Variants in CSMD1 observed in about 807,000 individuals in gnomAD.
The protein encoded by CSMD1 is CUB and Sushi multiple domains 1.
CSMD1 carries 213 observed loss-of-function variants against 417.5 expected under a neutral mutation model. The ratio of observed to expected loss-of-function variants is 0.51; its 90% CI spans 0.46 to 0.57. The LOEUF (loss-of-function observed/expected upper bound fraction) is 0.57, where lower values mean the gene tolerates loss of function less well. CSMD1 is among the 20% of genes least tolerant of loss of function. The pLI is 0.00. For missense variants in CSMD1, 6,923 were observed against 4,529.7 expected (o/e 1.53, Z -15.17); for synonymous variants, 2,862 against 1,736.8 (o/e 1.65, Z -16.11).
At chr8:4,406,663 G>T (rs985301105) in intron 3 of CSMD1, among the ~76,000 whole-genome samples, 2 of 152,120 alleles carry the variant, frequency 1.3e-5, no homozygotes, top group African/African-American at 2.4e-5. Flanking sequence ...CACTCCTCCT[G>T]GCCATGCCTT....
chr8:3,174,206 G>C (rs1338610104), intron 37 of CSMD1, among the ~76,000 whole-genome samples: 3 of 152,166 alleles, frequency 2.0e-5, no homozygotes, highest in Non-Finnish European at 2.9e-5. Context: ...CAGAAATTGA[G>C]ACAGAGTCCA....
In CSMD1 at chr8:3,850,780, A is replaced by AGT. The variant is rs543513338; in HGVS notation, c.819-96740_819-96739dup. ...TATACACATCACAGGGGTGTGCCTT[A>AGT]GTAGTGTGTGAAAGTCCAGTCAAAG... On this transcript the variant is annotated intron_variant, in intron 5 of 69. Coordinates refer to ENST00000635120, the MANE Select transcript of CSMD1 (RefSeq NM_033225.6). 4.7e-3 allele frequency among the ~76,000 whole-genome samples: 719 copies of AGT among 152,336 alleles called. 8 individuals carry two copies. The highest frequency in any genetic ancestry group is 0.014 in the African/African-American group (602 of 41,580).
At chr8:3,939,282 G>C (rs1174797970) in intron 5 of CSMD1, among the ~76,000 whole-genome samples, 2 of 152,036 alleles carry the variant, frequency 1.3e-5, no homozygotes, top group Admixed American at 6.6e-5. Flanking sequence ...TTAATTATCA[G>C]AGAAATGCAA....
intron 31 of CSMD1, 23 bp from the exon 32 acceptor site, chr8:3,201,748 T>G: frequency 6.9e-7 from 1 of 1,448,232 alleles, no homozygotes; most frequent in Non-Finnish European, 9.6e-7. Flanking sequence ...AGGTGGGATG[T>G]TGGCACAAGA....
At chr8:3,787,884 G>C (rs1011027803) in intron 5 of CSMD1, among the ~76,000 whole-genome samples, 1 of 152,232 alleles carries the variant, frequency 6.6e-6, no homozygotes, top group South Asian at 2.1e-4. Context: ...GTATGAGAGA[G>C]TGTTACTCTA....
At chr8:4,948,774 G>A (rs1346305220) in intron 1 of CSMD1, among the ~76,000 whole-genome samples, 2 of 152,034 alleles carry the variant, frequency 1.3e-5, no homozygotes, top group African/African-American at 4.8e-5. Flanking sequence ...TTATAACCCT[G>A]AAAGTCTTAA....
chr8:3,861,583 A>G (rs1269668926), intron 5 of CSMD1, among the ~76,000 whole-genome samples: 2 of 152,146 alleles, frequency 1.3e-5, no homozygotes, highest in Admixed American at 1.3e-4. Flanking sequence ...CTCCTATGGT[A>G]TGTGGGTTTC....
Position 4,852,820 on chromosome 8 carries a change from A to G in CSMD1, c.85+141512T>C, listed in dbSNP as rs530754743. ...AGATGAAAATGAGGAACTTACTGGGAACTGGAGTGAAGGTCACCTATGTTA... is the reference window on the plus strand; with the variant it reads ...AGATGAAAATGAGGAACTTACTGGGGACTGGAGTGAAGGTCACCTATGTTA... On this transcript the variant is annotated intron_variant, in intron 1 of 69. Coordinates refer to ENST00000635120, the MANE Select transcript of CSMD1 (RefSeq NM_033225.6). 5.3e-5 allele frequency among the ~76,000 whole-genome samples: 8 copies of G among 152,282 alleles called. No individual in the cohort carries two copies. The East Asian group carries it at 1.4e-3, about 26-fold the overall frequency.
At chr8:4,636,991 C>A (rs190202406) in intron 2 of CSMD1, among the ~76,000 whole-genome samples, 4 of 152,096 alleles carry the variant, frequency 2.6e-5, no homozygotes, top group Admixed American at 2.0e-4. Context: ...GCCAATCACA[C>A]GGAGGACTGA....
In CSMD1 at chr8:4,922,128, G is replaced by T. The variant is rs538935105; in HGVS notation, c.85+72204C>A. On this transcript the variant is annotated intron_variant, in intron 1 of 69. Transcript: ENST00000635120. ...AGTCACTCTGGTGAGATTACCCATT[G>T]CCTTGCAGGTATCTCCCACCAGAGT... Among the ~76,000 whole-genome samples the T allele has an allele frequency of 3.9e-5, 6 of 152,210 alleles. No homozygotes were observed. In the East Asian group the frequency reaches 1.2e-3, roughly 29 times the overall value.
chr8:3,649,215 A>T (rs990473366), intron 7 of CSMD1, among the ~76,000 whole-genome samples: 23 of 152,158 alleles, frequency 1.5e-4, no homozygotes, highest in African/African-American at 5.6e-4. Context: ...AAGTCTTCCG[A>T]TATTTTCCCT....
chr8:4,193,015 G>A (rs554084249), intron 3 of CSMD1, among the ~76,000 whole-genome samples: 2 of 152,140 alleles, frequency 1.3e-5, no homozygotes, highest in Non-Finnish European at 2.9e-5. Flanking sequence ...TGTAACTCAG[G>A]AACTGATCTT....
At chr8:4,924,161 A>T (rs1402408614) in intron 1 of CSMD1, among the ~76,000 whole-genome samples, 1 of 152,200 alleles carries the variant, frequency 6.6e-6, no homozygotes, top group Non-Finnish European at 1.5e-5. Flanking sequence ...TCGATGTTGA[A>T]TACAGATTTG....
intron 3 of CSMD1, among the ~76,000 whole-genome samples, chr8:4,042,815 TAAAAAAAAAAAAA>T (rs60411612): frequency 4.8e-5 from 2 of 41,312 alleles, no homozygotes; most frequent in African/African-American, 1.9e-4. Flanking sequence ...TACAACATAT[TAAAAAAAAAAAAA>T]AAAAAAAAAA....
intron 1 of CSMD1, among the ~76,000 whole-genome samples, chr8:4,724,412 T>C (rs549653300): frequency 6.6e-6 from 1 of 151,998 alleles, no homozygotes; most frequent in African/African-American, 2.4e-5. Context: ...TAAAGTAAAA[T>C]CAGACTTAAA....
intron 8 of CSMD1, among the ~76,000 whole-genome samples, chr8:3,591,269 T>C (rs988271373): frequency 3.3e-5 from 5 of 152,186 alleles, no homozygotes; most frequent in Non-Finnish European, 7.3e-5. Flanking sequence ...GAAACATACA[T>C]TTTCTGCTTC....
At chr8:4,126,983 C>G (rs1170192041) in intron 3 of CSMD1, among the ~76,000 whole-genome samples, 1 of 152,122 alleles carries the variant, frequency 6.6e-6, no homozygotes, top group Admixed American at 6.5e-5. Context: ...GATGCTGGTG[C>G]ACATTCGAGT....
chr8:4,241,814 C>A (rs1049399530), intron 3 of CSMD1, among the ~76,000 whole-genome samples: 19 of 151,948 alleles, frequency 1.3e-4, no homozygotes, highest in African/African-American at 4.6e-4. Flanking sequence ...GGGTTCACGC[C>A]ATTCTCCTGT....
rs78071506 is a variant in CSMD1 at position 4,146,294 on chromosome 8, G to T, written c.416-114195C>A. Among the ~76,000 whole-genome samples, 1,231 of 151,008 alleles carry T rather than the reference G, an allele frequency of 8.2e-3. 103 individuals are homozygous for T. The highest frequency in any genetic ancestry group is 0.028 in the African/African-American group (1,143 of 40,370). On this transcript the variant is annotated intron_variant, in intron 3 of 69. Coordinates refer to ENST00000635120, the MANE Select transcript of CSMD1 (RefSeq NM_033225.6). ...ATTCGCGTAGTGCAGTCGGCACAGT[G>T]CCATAGCCTCTGCTTGGTGTCTGAC...
Sources: allele counts gnomAD v4.1 joint callset (sites outside exome capture counted in the v4.1 genomes callset), GRCh38; gene constraint gnomAD v4.1.1; transcripts MANE v1.5; gene names NCBI Gene and HGNC (gene_info 2026-07-23, HGNC 2026-07-21).